Variants in DLG2 observed in about 807,000 individuals in gnomAD.
The protein encoded by DLG2 is discs large MAGUK scaffold protein 2, also known as disks large homolog 2.
A neutral mutation model predicts 132.5 loss-of-function variants in DLG2; 45 were observed. The ratio of observed to expected loss-of-function variants is 0.34; its 90% CI spans 0.27 to 0.44. The LOEUF is 0.44. DLG2 is among the 20% of genes least tolerant of loss of function. The pLI is 1.00. For synonymous variants in DLG2, 424 were observed against 419.6 expected (o/e 1.01, Z -0.13); for missense variants, 1,045 against 1,196.9 (o/e 0.87, Z 1.87).
intron 6 of DLG2, among the ~76,000 whole-genome samples, chr11:85,024,575 A>G (rs1302168458): frequency 6.6e-6 from 1 of 152,198 alleles, no homozygotes; most frequent in African/African-American, 2.4e-5. Flanking sequence ...TCGACTCTTC[A>G]TTGCATGTTG....
chr11:85,022,309 T>G (rs954378630), intron 6 of DLG2, among the ~76,000 whole-genome samples: 4 of 151,872 alleles, frequency 2.6e-5, no homozygotes, highest in African/African-American at 9.7e-5. Context: ...TGGTAAGAAA[T>G]AGAACACTTG....
intron 19 of DLG2, among the ~76,000 whole-genome samples, chr11:83,560,486 G>C (rs1198937046): frequency 7.6e-6 from 1 of 131,590 alleles, no homozygotes; most frequent in African/African-American, 3.0e-5. Flanking sequence ...GTCAAAGCTA[G>C]ATTAAAGGTG....
At chr11:84,879,795 AT>A (rs2086995699) in intron 6 of DLG2, among the ~76,000 whole-genome samples, 1 of 152,112 alleles carries the variant, frequency 6.6e-6, no homozygotes, top group Non-Finnish European at 1.5e-5. Flanking sequence ...AAAGTTTTAA[AT>A]CTATGAGGTT....
chr11:84,873,491 G>T (rs2085827312), intron 6 of DLG2, among the ~76,000 whole-genome samples: 1 of 152,158 alleles, frequency 6.6e-6, no homozygotes, highest in African/African-American at 2.4e-5. Context: ...CATTACATTA[G>T]CACTAATAAC....
intron 6 of DLG2, among the ~76,000 whole-genome samples, chr11:84,823,271 G>C (rs972185327): frequency 6.6e-6 from 1 of 151,624 alleles, no homozygotes; most frequent in Non-Finnish European, 1.5e-5. Flanking sequence ...TGACCTACTA[G>C]TATTATAGAA....
chr11:85,416,032 T>G (rs1267398922), intron 3 of DLG2, among the ~76,000 whole-genome samples: 2 of 152,224 alleles, frequency 1.3e-5, no homozygotes, highest in Non-Finnish European at 2.9e-5. Flanking sequence ...TTAATCCATC[T>G]TAAGTTTATT....
intron 8 of DLG2, among the ~76,000 whole-genome samples, chr11:84,221,422 C>A (rs2096914927): frequency 6.6e-6 from 1 of 151,996 alleles, no homozygotes; most frequent in South Asian, 2.1e-4. Context: ...TGAGATCGCA[C>A]CACTGCACTC....
chr11:85,590,922 C>A (rs1159227817), intron 3 of DLG2, among the ~76,000 whole-genome samples: 4 of 152,140 alleles, frequency 2.6e-5, no homozygotes, highest in Admixed American at 2.6e-4. Context: ...CTCATATGCA[C>A]TCAAAATAAA....
chr11:84,149,850 C>T (rs528013801), intron 9 of DLG2, among the ~76,000 whole-genome samples: 26 of 152,108 alleles, frequency 1.7e-4, no homozygotes, highest in African/African-American at 5.5e-4. Flanking sequence ...CTCCACCTCC[C>T]GGGTTCAAGT....
chr11:83,500,868 A>G (rs2094422763), intron 21 of DLG2, among the ~76,000 whole-genome samples: 1 of 152,160 alleles, frequency 6.6e-6, no homozygotes, highest in Admixed American at 6.6e-5. Context: ...CAATTTGTGC[A>G]TCATTCTGTG....
chr11:84,583,836 C>A (rs1260252438), intron 6 of DLG2, among the ~76,000 whole-genome samples: 1 of 152,046 alleles, frequency 6.6e-6, no homozygotes, highest in Non-Finnish European at 1.5e-5. Flanking sequence ...TTTTCCTTGA[C>A]TTGCTCAACA....
At chr11:85,152,541 C>T (rs1193263581) in intron 5 of DLG2, among the ~76,000 whole-genome samples, 2 of 151,858 alleles carry the variant, frequency 1.3e-5, no homozygotes, top group Non-Finnish European at 1.5e-5. Context: ...GTGCTGGGAT[C>T]ACCACCTTGG....
chr11:85,180,278 G>T (rs753233217), intron 4 of DLG2, among the ~76,000 whole-genome samples: 6 of 151,760 alleles, frequency 4.0e-5, no homozygotes, highest in Non-Finnish European at 7.4e-5. Flanking sequence ...TGTGATAATA[G>T]GTGACATTTA....
chr11:84,004,056 A>G (rs1565997912), intron 11 of DLG2, among the ~76,000 whole-genome samples: 1 of 152,064 alleles, frequency 6.6e-6, no homozygotes, highest in East Asian at 1.9e-4. Flanking sequence ...CTCCATAAAA[A>G]TTGAAGAGAA....
At chr11:83,701,803 G>T (rs2082995312) in intron 18 of DLG2, among the ~76,000 whole-genome samples, 1 of 152,180 alleles carries the variant, frequency 6.6e-6, no homozygotes, top group African/African-American at 2.4e-5. Flanking sequence ...AAGAAGTCTA[G>T]TATGACTGGG....
chr11:84,202,456 C>A (rs1411563719), intron 8 of DLG2, among the ~76,000 whole-genome samples: 1 of 152,098 alleles, frequency 6.6e-6, no homozygotes, highest in Non-Finnish European at 1.5e-5. Context: ...AAACCTTATA[C>A]AAAAATTAAC....
At chr11:84,263,751 A>G (rs1049559782) in intron 7 of DLG2, among the ~76,000 whole-genome samples, 2 of 152,202 alleles carry the variant, frequency 1.3e-5, no homozygotes, top group African/African-American at 4.8e-5. Context: ...GGCTATACAG[A>G]AAGTCTTAAA....
At chr11:84,897,141 CATAT>C (rs5793146) in intron 6 of DLG2, among the ~76,000 whole-genome samples, 12,969 of 149,656 alleles carry the variant, frequency 0.087, 824 homozygotes, top group African/African-American at 0.18. Flanking sequence ...GTACTAGTTA[CATAT>C]ATATATATAT....
chr11:84,270,115 T>C (rs2097700459), intron 7 of DLG2, among the ~76,000 whole-genome samples: 1 of 152,186 alleles, frequency 6.6e-6, no homozygotes, highest in East Asian at 1.9e-4. Flanking sequence ...TTGAATAAAA[T>C]TGCAAAGCCT....
Sources: allele counts gnomAD v4.1 joint callset (sites outside exome capture counted in the v4.1 genomes callset), GRCh38; gene constraint gnomAD v4.1.1; transcripts MANE v1.5; gene names NCBI Gene and HGNC (gene_info 2026-07-23, HGNC 2026-07-21).